The following MCPH1 variants were observed in gnomAD, a reference collection of about 807,000 sequenced individuals.
The protein encoded by MCPH1 is microcephalin 1, also known as microcephalin.
In MCPH1, 104 loss-of-function variants were observed where a neutral mutation model predicts 84.5. The observed-to-expected ratio is 1.23, with a 90% CI of 1.05 to 1.45. MCPH1 has a LOEUF of 1.45. MCPH1 is among the 40% of genes most tolerant of loss of function. MCPH1 has a pLI of 0.00. For synonymous variants in MCPH1, 514 were observed against 366.8 expected (o/e 1.40, Z -4.58); for missense variants, 1,498 against 1,005.7 (o/e 1.49, Z -6.62).
At chr8:6,571,074 TA>T (rs1385660503) in intron 12 of MCPH1, among the ~76,000 whole-genome samples, 1 of 152,182 alleles carries the variant, frequency 6.6e-6, no homozygotes, top group Non-Finnish European at 1.5e-5. Context: ...GATTTTTAAA[TA>T]TTTTCATTCT....
At chr8:6,554,751 C>T (rs941141160) in intron 12 of MCPH1, among the ~76,000 whole-genome samples, 2 of 152,032 alleles carry the variant, frequency 1.3e-5, no homozygotes, top group Non-Finnish European at 2.9e-5. Flanking sequence ...GAGGAGCCCT[C>T]GGAGGGAGCG....
intron 10 of MCPH1, among the ~76,000 whole-genome samples, chr8:6,479,815 T>G (rs2979665): frequency 6.6e-6 from 1 of 152,312 alleles, no homozygotes; most frequent in Admixed American, 6.5e-5. Context: ...TATATTTTTT[T>G]AAAGGATATT....
At chr8:6,446,338 C>T (rs2440415) in intron 8 of MCPH1, 773,510 of 984,052 alleles carry the variant, frequency 0.79, 310,767 homozygotes, top group Non-Finnish European at 0.82. Context: ...TGAGTGAGAA[C>T]GCATTCTCTC....
intron 9 of MCPH1, among the ~76,000 whole-genome samples, chr8:6,464,882 C>G (rs962947508): frequency 6.6e-6 from 1 of 152,046 alleles, no homozygotes; most frequent in African/African-American, 2.4e-5. Context: ...ACCTGTAGTC[C>G]CAGCTACTCG....
intron 12 of MCPH1, chr8:6,617,101 A>G (rs141934531): frequency 1.1e-3 from 171 of 152,142 alleles, no homozygotes; most frequent in African/African-American, 3.7e-3. Flanking sequence ...TAGGAAAGCC[A>G]ATATTTTTTG....
At chr8:6,539,349 G>C (rs1375668) in intron 12 of MCPH1, among the ~76,000 whole-genome samples, 5 of 151,964 alleles carry the variant, frequency 3.3e-5, no homozygotes, top group Non-Finnish European at 5.9e-5. Context: ...TTATAGTCTT[G>C]GCCTTTTCTT....
intron 12 of MCPH1, among the ~76,000 whole-genome samples, chr8:6,522,949 A>G (rs763191389): frequency 5.9e-5 from 9 of 152,026 alleles, no homozygotes; most frequent in African/African-American, 1.4e-4. Flanking sequence ...GCGCTATGGC[A>G]TGTACTTAAT....
At chr8:6,586,542 T>G (rs1213212045) in intron 12 of MCPH1, among the ~76,000 whole-genome samples, 1 of 152,164 alleles carries the variant, frequency 6.6e-6, no homozygotes, top group Non-Finnish European at 1.5e-5. Context: ...CAGCAGTTAT[T>G]GAGCATCTAC....
intron 5 of MCPH1, among the ~76,000 whole-genome samples, chr8:6,436,407 T>G (rs1802644687): frequency 6.6e-6 from 1 of 152,202 alleles, no homozygotes; most frequent in Admixed American, 6.5e-5. Flanking sequence ...AACTTTTTAT[T>G]TTCGGGAATG....
intron 12 of MCPH1, among the ~76,000 whole-genome samples, chr8:6,582,584 G>A (rs991731562): frequency 6.6e-6 from 1 of 152,072 alleles, no homozygotes; most frequent in African/African-American, 2.4e-5. Context: ...TTAATAGTAA[G>A]ATAAACACTG....
intron 12 of MCPH1, chr8:6,520,005 A>C: frequency 6.2e-7 from 1 of 1,612,640 alleles, no homozygotes; most frequent in Non-Finnish European, 8.5e-7. Flanking sequence ...CTTTTAAAAA[A>C]TAGTAAGGCA....
chr8:6,595,833 T>C (rs1828885604), intron 12 of MCPH1, among the ~76,000 whole-genome samples: 2 of 152,176 alleles, frequency 1.3e-5, no homozygotes, highest in Non-Finnish European at 2.9e-5. Context: ...TAGAGTCAGA[T>C]ACAATTGGGC....
intron 13 of MCPH1, among the ~76,000 whole-genome samples, chr8:6,622,509 G>C (rs1352071027): frequency 6.6e-6 from 1 of 152,228 alleles, no homozygotes; most frequent in Non-Finnish European, 1.5e-5. Context: ...TCCACTGTGG[G>C]GAAATCCCAC....
rs887625612 is a variant in MCPH1, at chr8:6,646,062, AT to A, written c.*3020del. 1 of 152,174 alleles carries A rather than the reference AT, an allele frequency of 6.6e-6. No individual in the cohort carries two copies. The highest frequency in any genetic ancestry group is 2.4e-5 in the African/African-American group (1 of 41,434). 9.4% of individuals were successfully genotyped at this position (152,174 alleles called of 1,614,324 possible). ...CAAAGAACCTCTAGTAGACAAAACA[AT>A]TTTTTTAAGAGCAAAGTTGGAGGAT... On this transcript the variant is annotated 3_prime_UTR_variant, in exon 14 of 14. Transcript: ENST00000344683.
intron 12 of MCPH1, chr8:6,615,608 G>C (rs550706882): frequency 2.0e-5 from 3 of 152,152 alleles, no homozygotes; most frequent in African/African-American, 7.2e-5. Flanking sequence ...CAATGTAAGC[G>C]TTAAAAGAAC....
chr8:6,515,829 A>G (rs972252366), intron 12 of MCPH1, among the ~76,000 whole-genome samples: 2 of 152,200 alleles, frequency 1.3e-5, no homozygotes, highest in Non-Finnish European at 2.9e-5. Flanking sequence ...GTAAGCTTCA[A>G]CGCACACTGT....
chr8:6,605,328 C>T (rs10092278), intron 12 of MCPH1, among the ~76,000 whole-genome samples: 9,089 of 152,246 alleles, frequency 0.06, 920 homozygotes, highest in African/African-American at 0.21. Flanking sequence ...ACTCACACTC[C>T]TTGCAAAAAA....
chr8:6,447,040 C>A (rs1222331620), intron 8 of MCPH1: 4 of 985,228 alleles, frequency 4.1e-6, no homozygotes, highest in Admixed American at 6.2e-5. Flanking sequence ...TGCAAGAAAA[C>A]ATTCTGTGTG....
chr8:6,532,835 C>G (rs1819784345), intron 12 of MCPH1, among the ~76,000 whole-genome samples: 1 of 152,178 alleles, frequency 6.6e-6, no homozygotes, highest in South Asian at 2.1e-4. Flanking sequence ...GGGGTTGTGT[C>G]TGTCCTACCC....
Sources: gnomAD v4.1 joint callset for allele counts (sites outside exome capture counted in the v4.1 genomes callset) on GRCh38, gnomAD v4.1.1 for gene constraint, MANE v1.5 for transcripts, NCBI Gene and HGNC (gene_info 2026-07-23, HGNC 2026-07-21) for gene names.